The following SPRR2G variants were observed in gnomAD, a reference collection of about 807,000 sequenced individuals.
The protein encoded by SPRR2G is small proline-rich protein 2G.
In SPRR2G, 1 loss-of-function variant was observed where a neutral mutation model predicts 0.7. That is an observed-to-expected ratio of 1.49 (90% CI 0.53 to 7.06). SPRR2G has a LOEUF of 7.06. Among genes scored for constraint, SPRR2G ranks in the 30% most tolerant of loss-of-function variants. SPRR2G has a pLI of 0.14. For synonymous variants in SPRR2G, 38 were observed against 33.9 expected (o/e 1.12, Z -0.42); for missense variants, 96 against 88.5 (o/e 1.09, Z -0.34).
At chr1:153,165,114 A>G in the SPRR2G span, among the ~76,000 whole-genome samples, 1 of 152,118 alleles carries the variant, frequency 6.6e-6, no homozygotes, top group Non-Finnish European at 1.5e-5. Flanking sequence ...GATCCAGAAT[A>G]TTTGCACCCA....
the SPRR2G span, among the ~76,000 whole-genome samples, chr1:153,195,073 A>C: frequency 6.6e-6 from 1 of 152,182 alleles, no homozygotes; most frequent in South Asian, 2.1e-4. Context: ...ATCCCCTGCC[A>C]GTCCCCTTCT....
chr1:153,156,899 T>C, the SPRR2G span, among the ~76,000 whole-genome samples: 1 of 152,222 alleles, frequency 6.6e-6, no homozygotes, highest in Non-Finnish European at 1.5e-5. Context: ...GTTTCCTTTT[T>C]AGAACTCAGA....
At chr1:153,167,130 G>T in the SPRR2G span, among the ~76,000 whole-genome samples, 1 of 152,136 alleles carries the variant, frequency 6.6e-6, no homozygotes, top group South Asian at 2.1e-4. Context: ...ATGCCATACT[G>T]CAGTTAATGA....
chr1:153,183,798 C>T, the SPRR2G span, among the ~76,000 whole-genome samples: 3 of 152,180 alleles, frequency 2.0e-5, no homozygotes, highest in East Asian at 3.9e-4. Context: ...TTTGCACATG[C>T]CTATGTCCTG....
At chr1:153,163,210 T>C in the SPRR2G span, among the ~76,000 whole-genome samples, 1 of 152,218 alleles carries the variant, frequency 6.6e-6, no homozygotes, top group South Asian at 2.1e-4. Flanking sequence ...AAAGAAGCAT[T>C]ATTTTTAGAA....
At chr1:153,196,813 AT>A in the SPRR2G span, among the ~76,000 whole-genome samples, 8 of 152,072 alleles carry the variant, frequency 5.3e-5, no homozygotes, top group African/African-American at 1.9e-4. Context: ...CTGCTGAGGG[AT>A]TTTCTCTTCA....
At chr1:153,162,744 G>A in the SPRR2G span, among the ~76,000 whole-genome samples, 2 of 152,036 alleles carry the variant, frequency 1.3e-5, no homozygotes, top group Admixed American at 6.6e-5. Context: ...TGTCTTCCAG[G>A]AATCCTCTCC....
At chr1:153,156,424 A>G in the SPRR2G span, among the ~76,000 whole-genome samples, 4 of 152,256 alleles carry the variant, frequency 2.6e-5, no homozygotes, top group Non-Finnish European at 5.9e-5. Flanking sequence ...TGTAAACACC[A>G]TGTATCTTGC....
upstream of SPRR2G, among the ~76,000 whole-genome samples, chr1:153,153,936 A>C (rs986802233): frequency 2.0e-5 from 3 of 152,136 alleles, no homozygotes; most frequent in Admixed American, 1.3e-4. Flanking sequence ...TTCACCCTCG[A>C]ATATATTAGC....
chr1:153,194,701 G>A, the SPRR2G span, among the ~76,000 whole-genome samples: 1 of 152,120 alleles, frequency 6.6e-6, no homozygotes, highest in African/African-American at 2.4e-5. Flanking sequence ...CTGAATCATT[G>A]CAATGTGAGA....
chr1:153,167,162 C>A, the SPRR2G span, among the ~76,000 whole-genome samples: 3 of 152,130 alleles, frequency 2.0e-5, no homozygotes, highest in Non-Finnish European at 4.4e-5. Flanking sequence ...AAATAAGAGA[C>A]CCTTTGTTTT....
chr1:153,195,410 G>C, the SPRR2G span, among the ~76,000 whole-genome samples: 1 of 152,196 alleles, frequency 6.6e-6, no homozygotes, highest in South Asian at 2.1e-4. Context: ...GTAAACAGCA[G>C]ACCTGCTCTC....
At chr1:153,195,512 G>T in the SPRR2G span, among the ~76,000 whole-genome samples, 333 of 152,248 alleles carry the variant, frequency 2.2e-3, 2 homozygotes, top group African/African-American at 7.4e-3. Flanking sequence ...GCTCAAGAAG[G>T]CATCTCAAGT....
the SPRR2G span, among the ~76,000 whole-genome samples, chr1:153,186,442 T>C: frequency 1.3e-5 from 2 of 152,232 alleles, no homozygotes; most frequent in South Asian, 2.1e-4. Context: ...CTCTTCTTGT[T>C]GCATTGATCC....
chr1:153,186,640 G>A, the SPRR2G span, among the ~76,000 whole-genome samples: 2 of 152,066 alleles, frequency 1.3e-5, no homozygotes, highest in African/African-American at 4.8e-5. Context: ...AATGGGTCTT[G>A]ACTCTTTATC....
At chr1:153,189,727 G>C in the SPRR2G span, among the ~76,000 whole-genome samples, 6 of 152,312 alleles carry the variant, frequency 3.9e-5, no homozygotes, top group African/African-American at 1.4e-4. Context: ...TCCTGAAGAA[G>C]TAATGATCAA....
upstream of SPRR2G, among the ~76,000 whole-genome samples, chr1:153,153,986 C>T (rs1468314383): frequency 1.3e-5 from 2 of 152,026 alleles, no homozygotes; most frequent in South Asian, 2.1e-4. Context: ...TGTTGAGATA[C>T]ATTTCTTCTA....
the SPRR2G span, among the ~76,000 whole-genome samples, chr1:153,193,854 C>T: frequency 6.6e-6 from 1 of 152,138 alleles, no homozygotes; most frequent in Non-Finnish European, 1.5e-5. Flanking sequence ...ACTGGAACCC[C>T]ACTGGGGGCT....
chr1:153,166,621 T>C, the SPRR2G span, among the ~76,000 whole-genome samples: 61 of 152,110 alleles, frequency 4.0e-4, no homozygotes, highest in Non-Finnish European at 7.5e-4. Context: ...CCCAACCAGG[T>C]AGAAGCAACA....
Sources: gnomAD v4.1 joint callset for allele counts (sites outside exome capture counted in the v4.1 genomes callset) on GRCh38, gnomAD v4.1.1 for gene constraint, MANE v1.5 for transcripts, NCBI Gene and HGNC (gene_info 2026-07-23, HGNC 2026-07-21) for gene names.